The following CDC42BPB variants were observed in gnomAD, a reference collection of about 807,000 sequenced individuals.
CDC42BPB encodes serine/threonine-protein kinase MRCK beta.
Under a neutral mutation model 214.9 loss-of-function variants are expected in CDC42BPB, and 37 were observed. That is an observed-to-expected ratio of 0.17 (90% CI 0.13 to 0.23). CDC42BPB has a LOEUF of 0.23. Among genes scored for constraint, CDC42BPB ranks in the 10% least tolerant of loss-of-function variants. The pLI is 1.00. For missense variants in CDC42BPB, 1,694 were observed against 2,227.0 expected (o/e 0.76, Z 4.82); for synonymous variants, 931 against 884.0 (o/e 1.05, Z -0.94).
rs1308161046 is a variant in CDC42BPB, at chr14:103,023,314, C to G, written c.176-11126G>C. Among the ~76,000 whole-genome samples, 4 of 151,990 alleles carry G rather than the reference C, an allele frequency of 2.6e-5. No homozygotes were observed. The East Asian group carries it at 7.7e-4, about 29-fold the overall frequency. On this transcript the variant is annotated intron_variant, in intron 1 of 36. Coordinates refer to ENST00000361246, the MANE Select transcript of CDC42BPB (RefSeq NM_006035.4). Reference sequence around the variant, plus strand: ...TCCCGAGTAGCTGGGATTACAGGTGCCTGCCACCATGCCTGGCTACTTTTT... The same window carrying G: ...TCCCGAGTAGCTGGGATTACAGGTGGCTGCCACCATGCCTGGCTACTTTTT...
chr14:103,043,131 C>G (rs571478928), intron 1 of CDC42BPB, among the ~76,000 whole-genome samples: 9 of 152,240 alleles, frequency 5.9e-5, no homozygotes, highest in African/African-American at 1.4e-4. Flanking sequence ...GTAATCCCAG[C>G]TATTTGGGAG....
chr14:103,013,305 G>A (rs892904383), intron 1 of CDC42BPB, among the ~76,000 whole-genome samples: 7 of 152,186 alleles, frequency 4.6e-5, no homozygotes, highest in Non-Finnish European at 4.4e-5. Flanking sequence ...TGGCGGTCCC[G>A]AATAGGTCCT....
chr14:102,941,144 C>A, intron 30 of CDC42BPB: 1 of 985,436 alleles, frequency 1.0e-6, no homozygotes. Flanking sequence ...GTGGGTGGCA[C>A]GCTCACTGCC....
At chr14:102,939,183 C>T (rs146564721) in intron 34 of CDC42BPB, among the ~76,000 whole-genome samples, 1,836 of 152,288 alleles carry the variant, frequency 0.012, 18 homozygotes, top group Non-Finnish European at 0.018. Context: ...TCGTGATCCG[C>T]CCGCCTCGGC....
chr14:102,962,242 G>A (rs981429548), intron 20 of CDC42BPB, among the ~76,000 whole-genome samples: 4 of 152,236 alleles, frequency 2.6e-5, no homozygotes, highest in East Asian at 1.9e-4. Context: ...AGGCCTGTCC[G>A]TCAGCATGCA....
chr14:102,960,196 C>T (rs1892896623), intron 20 of CDC42BPB, among the ~76,000 whole-genome samples: 1 of 152,014 alleles, frequency 6.6e-6, no homozygotes, highest in Non-Finnish European at 1.5e-5. Context: ...CAGAGCAAGA[C>T]TCTATCTCAA....
At chr14:102,969,075 C>T (rs1225953474) in intron 14 of CDC42BPB, among the ~76,000 whole-genome samples, 3 of 152,224 alleles carry the variant, frequency 2.0e-5, no homozygotes, top group African/African-American at 7.2e-5. Context: ...CGGGAACTGA[C>T]AGCAAACCAG....
At chr14:103,010,120 T>C in intron 2 of CDC42BPB, among the ~76,000 whole-genome samples, 1 of 152,078 alleles carries the variant, frequency 6.6e-6, no homozygotes, top group East Asian at 1.9e-4. Context: ...ACCCCATTTC[T>C]ACAAATAATA....
chr14:103,032,826 G>A (rs879754359), intron 1 of CDC42BPB, among the ~76,000 whole-genome samples: 2 of 150,112 alleles, frequency 1.3e-5, no homozygotes, highest in Non-Finnish European at 3.0e-5. Flanking sequence ...GTTTCATCAT[G>A]TTACCCAGGC....
chr14:102,999,497 G>C, intron 5 of CDC42BPB, 68 bp downstream of exon 5: 2 of 1,532,536 alleles, frequency 1.3e-6, no homozygotes, highest in Non-Finnish European at 1.8e-6. Flanking sequence ...GCCTGGACTT[G>C]GGAGCTCTGA....
Position 103,057,239 on chromosome 14 carries a change from G to A in CDC42BPB, c.-66C>T, listed in dbSNP as rs1889039545. On this transcript the variant is annotated 5_prime_UTR_variant, in exon 1 of 37. Transcript: ENST00000361246. ...GCCGGCTCGGCCAGTCCGTCAGGGC[G>A]CGCCCTCGGGGGCTCGGCGGCTGCG... 3 of 1,216,838 alleles carry A rather than the reference G, an allele frequency of 2.5e-6. No individual in the cohort carries two copies. The South Asian group carries it at 1.1e-4, about 46-fold the overall frequency. The allele number at this position is 1,216,838 out of a possible 1,614,324, so 75.4% of individuals were successfully genotyped here. A position where few individuals can be genotyped will look rare whatever the true frequency, so the allele number is the denominator to read the frequency against.
rs1891722083 is a variant in CDC42BPB, at chr14:102,938,152, A to G, written c.4956T>C (p.Thr1652=). 1.2e-6 allele frequency: 2 copies of G among 1,613,798 alleles called. No homozygotes were observed. The highest frequency in any genetic ancestry group is 1.7e-6 in the Non-Finnish European group (2 of 1,180,006). Residue 1652 remains threonine, a synonymous_variant, in exon 36 of 37, where the codon ACT becomes ACC. Transcript: ENST00000361246. ...PSSGGSEPSV[T]VPLRSMSDPD... ...GATCAGACATACTTCTCAGAGGCAC[A>G]GTCACGCTAGGCTCCGATCCACCTA...
Position 102,946,701 on chromosome 14 carries a change from A to G in CDC42BPB, c.3532-17T>C. ...GGCCGTCACCTTCATGACAGGAAACAGAAGAGAAGAGAGAAGTCATCAAAC... is the reference window on the plus strand; with the variant it reads ...GGCCGTCACCTTCATGACAGGAAACGGAAGAGAAGAGAGAAGTCATCAAAC... On this transcript the variant is annotated splice_polypyrimidine_tract_variant and intron_variant, in intron 27 of 36. Coordinates refer to ENST00000361246, the MANE Select transcript of CDC42BPB (RefSeq NM_006035.4). The G allele has an allele frequency of 6.2e-7, 1 of 1,611,698 alleles. No homozygotes were observed. Among genetic ancestry groups the G allele is most frequent in the South Asian group, 1.1e-5 (1 of 91,062 alleles).
At chr14:103,047,538 C>T (rs1034813366) in intron 1 of CDC42BPB, among the ~76,000 whole-genome samples, 1 of 152,154 alleles carries the variant, frequency 6.6e-6, no homozygotes, top group Non-Finnish European at 1.5e-5. Flanking sequence ...TGCTTTCAAA[C>T]TTCTGAGGAA....
intron 19 of CDC42BPB, 143 bp from the exon 20 acceptor site, chr14:102,963,298 C>T: frequency 1.4e-6 from 2 of 1,380,796 alleles, no homozygotes; most frequent in South Asian, 3.6e-5. Context: ...CTGGGCCTTT[C>T]TACTGCAAAC....
chr14:102,940,455 A>C, intron 30 of CDC42BPB, 131 bp from the exon 31 acceptor site: 1 of 1,480,634 alleles, frequency 6.8e-7, no homozygotes, highest in Non-Finnish European at 9.0e-7. Flanking sequence ...GGTTCACGTC[A>C]CCAAAGACTT....
Position 102,946,460 on chromosome 14 carries a change from G to C in CDC42BPB, c.3748+8C>G, listed in dbSNP as rs188194900. 2.3e-4 allele frequency: 366 copies of C among 1,612,384 alleles called. No homozygotes were observed. The African/African-American group carries it at 4.3e-3, about 19-fold the overall frequency. ...AGACACCTGAAGGACACAACCTTTG[G>C]GACGTACCCACGATGGCAGCTGTCA... On this transcript the variant is annotated splice_region_variant and intron_variant, in intron 28 of 36. Coordinates refer to ENST00000361246, the MANE Select transcript of CDC42BPB (RefSeq NM_006035.4).
intron 4 of CDC42BPB, 166 bp from the exon 5 acceptor site, chr14:102,999,879 C>T (rs532008307): frequency 1.9e-5 from 19 of 985,288 alleles, no homozygotes; most frequent in Admixed American, 6.2e-5. Context: ...ACATGCGCCC[C>T]GATGCGTCCA....
rs1185970688 is a variant in CDC42BPB at position 102,944,879 on chromosome 14, C to T, written c.3812-392G>A. On this transcript the variant is annotated intron_variant, in intron 29 of 36. Coordinates refer to ENST00000361246, the MANE Select transcript of CDC42BPB (RefSeq NM_006035.4). This position sits in a 1 kb window ranked among gnomAD's most constrained non-coding sequence, Gnocchi z 6.6. ...TCATCCCCGAACCAGAGGGCCCTCA[C>T]GCTGCACATGAGGGACAAAGAGCTG... Among the ~76,000 whole-genome samples, 1 of 152,196 alleles carries T rather than the reference C, an allele frequency of 6.6e-6. No individual in the cohort carries two copies.
Sources: allele counts gnomAD v4.1 joint callset (sites outside exome capture counted in the v4.1 genomes callset), GRCh38; gene constraint gnomAD v4.1.1; non-coding constraint Gnocchi (gnomAD v3.1); transcripts MANE v1.5; gene names NCBI Gene and HGNC (gene_info 2026-07-23, HGNC 2026-07-21).